IGFL2: variants seen among roughly 807,000 people sequenced by gnomAD.
The protein encoded by IGFL2 is insulin growth factor-like family member 2.
Under a neutral mutation model 13.9 loss-of-function variants are expected in IGFL2, and 7 were observed. That is an observed-to-expected ratio of 0.51 (90% CI 0.29 to 0.95). The LOEUF is 0.95. Among genes scored for constraint, IGFL2 ranks in the 40% least tolerant of loss-of-function variants. The pLI is 0.08. For missense variants in IGFL2, 138 were observed against 147.8 expected (o/e 0.93, Z 0.34); for synonymous variants, 55 against 55.8 (o/e 0.99, Z 0.07).
chr19:46,169,544 G>A, the IGFL2 span, among the ~76,000 whole-genome samples: 1 of 152,150 alleles, frequency 6.6e-6, no homozygotes, highest in African/African-American at 2.4e-5. Context: ...ACAAAACTAG[G>A]AGTAATTGTA....
At chr19:46,123,200 A>C in the IGFL2 span, among the ~76,000 whole-genome samples, 2 of 150,924 alleles carry the variant, frequency 1.3e-5, 1 homozygote, top group Non-Finnish European at 2.9e-5. Flanking sequence ...AAAAGGACAG[A>C]TATTTAGCCA....
the IGFL2 span, among the ~76,000 whole-genome samples, chr19:46,119,409 A>G: frequency 6.6e-6 from 1 of 152,180 alleles, no homozygotes; most frequent in African/African-American, 2.4e-5. Context: ...CACAGGGATC[A>G]TCGTTCCCAC....
the IGFL2 span, among the ~76,000 whole-genome samples, chr19:46,089,317 C>G: frequency 1.3e-5 from 2 of 152,116 alleles, no homozygotes; most frequent in Non-Finnish European, 2.9e-5. Flanking sequence ...TCATTTACAT[C>G]TTTTTATGTC....
the IGFL2 span, among the ~76,000 whole-genome samples, chr19:46,129,118 G>A: frequency 6.6e-6 from 1 of 152,094 alleles, no homozygotes; most frequent in Non-Finnish European, 1.5e-5. Context: ...AGATTTTCTG[G>A]TTTATGTGCA....
the IGFL2 span, among the ~76,000 whole-genome samples, chr19:46,193,380 T>C: frequency 1.3e-5 from 2 of 152,148 alleles, no homozygotes; most frequent in African/African-American, 4.8e-5. Flanking sequence ...GTCTCAGTTA[T>C]CAGATCAACT....
At chr19:46,110,749 G>A in the IGFL2 span, among the ~76,000 whole-genome samples, 2 of 152,300 alleles carry the variant, frequency 1.3e-5, 1 homozygote, top group South Asian at 4.1e-4. Flanking sequence ...TAAACACCCA[G>A]AAGTGATTTT....
the IGFL2 span, among the ~76,000 whole-genome samples, chr19:46,178,670 A>G: frequency 6.6e-6 from 1 of 152,230 alleles, no homozygotes; most frequent in African/African-American, 2.4e-5. Flanking sequence ...GAACGCAAGC[A>G]TTACTTTCTA....
chr19:46,097,947 T>A, the IGFL2 span, among the ~76,000 whole-genome samples: 2 of 152,250 alleles, frequency 1.3e-5, no homozygotes, highest in African/African-American at 4.8e-5. Context: ...TTTGAGTAAG[T>A]GCCATGTGGC....
chr19:46,190,325 C>G, the IGFL2 span: 1 of 152,204 alleles, frequency 6.6e-6, no homozygotes, highest in Non-Finnish European at 1.5e-5. Flanking sequence ...CTGGGATGTC[C>G]TCAGCTGGGA....
At chr19:46,087,604 T>G in the IGFL2 span, among the ~76,000 whole-genome samples, 3 of 152,182 alleles carry the variant, frequency 2.0e-5, no homozygotes, top group African/African-American at 7.2e-5. Context: ...CTGGGAACAG[T>G]GAGACTGCTT....
chr19:46,128,123 CTGT>C, the IGFL2 span, among the ~76,000 whole-genome samples: 5 of 152,008 alleles, frequency 3.3e-5, no homozygotes, highest in Admixed American at 3.3e-4. Context: ...TTTGGCTTTA[CTGT>C]TGTTGGTGTA....
the IGFL2 span, among the ~76,000 whole-genome samples, chr19:46,171,351 A>G: frequency 2.5e-4 from 38 of 152,308 alleles, no homozygotes; most frequent in East Asian, 7.0e-3. Flanking sequence ...GGTGCTATTC[A>G]AGACGAGATT....
At chr19:46,134,401 T>C in the IGFL2 span, among the ~76,000 whole-genome samples, 1 of 152,152 alleles carries the variant, frequency 6.6e-6, no homozygotes, top group Admixed American at 6.6e-5. Context: ...ATTACATTAA[T>C]TGTGGACTTT....
the IGFL2 span, chr19:46,207,409 TCTCA>T: frequency 6.7e-6 from 1 of 148,962 alleles, no homozygotes; most frequent in African/African-American, 2.5e-5. Context: ...TGAGAGGGAG[TCTCA>T]CTCTGTCACC....
At chr19:46,082,471 T>C in the IGFL2 span, among the ~76,000 whole-genome samples, 1 of 152,168 alleles carries the variant, frequency 6.6e-6, no homozygotes, top group Non-Finnish European at 1.5e-5. Flanking sequence ...AACTTGCTTG[T>C]GTGCCACTGA....
At chr19:46,148,393 C>A (rs1973255000) in intron 1 of IGFL2, 96 bp downstream of exon 1, 14 of 1,113,740 alleles carry the variant, frequency 1.3e-5, no homozygotes, top group African/African-American at 1.5e-5. Context: ...CTATTTAATT[C>A]TTGGTTTCCC....
intron 1 of IGFL2, among the ~76,000 whole-genome samples, chr19:46,149,293 C>T (rs1973338113): frequency 2.3e-5 from 3 of 129,934 alleles, no homozygotes; most frequent in Non-Finnish European, 5.0e-5. Context: ...ACCTCTCCCC[C>T]TCTTCCCCTC....
the IGFL2 span, among the ~76,000 whole-genome samples, chr19:46,091,342 T>C: frequency 6.6e-6 from 1 of 152,212 alleles, no homozygotes; most frequent in East Asian, 1.9e-4. Context: ...AGTGGGGATA[T>C]TTATGAAAGA....
At chr19:46,175,429 G>C in the IGFL2 span, among the ~76,000 whole-genome samples, 1 of 152,186 alleles carries the variant, frequency 6.6e-6, no homozygotes, top group South Asian at 2.1e-4. Context: ...GCAGGGCAGG[G>C]AATAGAGTTG....
Sources: gnomAD v4.1 joint callset for allele counts (sites outside exome capture counted in the v4.1 genomes callset) on GRCh38, gnomAD v4.1.1 for gene constraint, MANE v1.5 for transcripts, NCBI Gene and HGNC (gene_info 2026-07-23, HGNC 2026-07-21) for gene names.